Variants in OSBPL9 observed in about 807,000 individuals in gnomAD.
OSBPL9 encodes oxysterol binding protein like 9, also known as oxysterol-binding protein-related protein 9.
Under a neutral mutation model 106.6 loss-of-function variants are expected in OSBPL9, and 40 were observed. The ratio of observed to expected loss-of-function variants is 0.38; its 90% CI spans 0.29 to 0.49. OSBPL9 has a LOEUF of 0.49. Ranked by LOEUF, OSBPL9 falls within the 20% of genes least tolerant of loss-of-function variation. The pLI is 0.97. For missense variants in OSBPL9, 609 were observed against 887.2 expected (o/e 0.69, Z 3.98); for synonymous variants, 269 against 295.4 (o/e 0.91, Z 0.92).
intron 4 of OSBPL9, chr1:51,740,202 A>G (rs1333336520): frequency 1.3e-6 from 2 of 1,538,372 alleles, no homozygotes; most frequent in Non-Finnish European, 1.7e-6. Flanking sequence ...TTGAATTTTC[A>G]AAAATAATTG....
chr1:51,644,759 C>T (rs1440457612), intron 1 of OSBPL9, among the ~76,000 whole-genome samples: 5 of 152,174 alleles, frequency 3.3e-5, no homozygotes, highest in Admixed American at 3.3e-4. Context: ...CTGCTCTTCC[C>T]TCTGCCTGGG....
intron 4 of OSBPL9, among the ~76,000 whole-genome samples, chr1:51,714,663 T>G (rs1660706164): frequency 6.6e-6 from 1 of 152,210 alleles, no homozygotes; most frequent in African/African-American, 2.4e-5. Flanking sequence ...AGGTTCTCCC[T>G]TGGTGGTGGT....
intron 4 of OSBPL9, among the ~76,000 whole-genome samples, chr1:51,732,829 G>C (rs1664758657): frequency 6.6e-6 from 1 of 152,178 alleles, no homozygotes; most frequent in South Asian, 2.1e-4. Context: ...CAGCTGCCCA[G>C]CATGTCCTGG....
At chr1:51,668,996 T>C (rs1481570980) in intron 2 of OSBPL9, among the ~76,000 whole-genome samples, 1 of 152,220 alleles carries the variant, frequency 6.6e-6, no homozygotes, top group Non-Finnish European at 1.5e-5. Context: ...CTGGCATTTC[T>C]ACACTAACAA....
At chr1:51,745,392 T>C in intron 4 of OSBPL9, 144 bp from the exon 5 acceptor site, 1 of 1,215,768 alleles carries the variant, frequency 8.2e-7, no homozygotes, top group Non-Finnish European at 1.1e-6. Flanking sequence ...TAGACCTAAC[T>C]GTTAAATAGA....
At chr1:51,746,432 G>A (rs778183946) in intron 5 of OSBPL9, among the ~76,000 whole-genome samples, 6 of 152,096 alleles carry the variant, frequency 3.9e-5, no homozygotes, top group Admixed American at 1.3e-4. Context: ...AAAACTTCAA[G>A]TTTGAATTCA....
At chr1:51,548,621 C>G in the OSBPL9 span, among the ~76,000 whole-genome samples, 1 of 152,142 alleles carries the variant, frequency 6.6e-6, no homozygotes, top group Non-Finnish European at 1.5e-5. Flanking sequence ...AACTCCTGGG[C>G]TCAAGTGATC....
intron 2 of OSBPL9, among the ~76,000 whole-genome samples, chr1:51,603,518 C>T (rs1645333466): frequency 6.6e-6 from 1 of 152,180 alleles, no homozygotes; most frequent in African/African-American, 2.4e-5. Flanking sequence ...GCCTCTCTTT[C>T]CTAGAAAGTG....
At chr1:51,660,733 A>G (rs1257006010) in intron 2 of OSBPL9, among the ~76,000 whole-genome samples, 1 of 152,210 alleles carries the variant, frequency 6.6e-6, no homozygotes, top group Non-Finnish European at 1.5e-5. Flanking sequence ...TTGAACTGCA[A>G]GCCATTCTGC....
intron 1 of OSBPL9, among the ~76,000 whole-genome samples, chr1:51,624,967 C>G (rs538445384): frequency 6.6e-6 from 1 of 152,154 alleles, no homozygotes; most frequent in Non-Finnish European, 1.5e-5. Flanking sequence ...CCTTCTAATT[C>G]GAATTATAGG....
At chr1:51,643,570 G>A (rs1645944256) in intron 1 of OSBPL9, among the ~76,000 whole-genome samples, 1 of 152,144 alleles carries the variant, frequency 6.6e-6, no homozygotes, top group Non-Finnish European at 1.5e-5. Context: ...AGGTAGGCTG[G>A]AGCCAGGCCA....
intron 2 of OSBPL9, among the ~76,000 whole-genome samples, chr1:51,605,183 A>G (rs1643936622): frequency 6.6e-6 from 1 of 152,240 alleles, no homozygotes; most frequent in Non-Finnish European, 1.5e-5. Flanking sequence ...TAAAGCGTTT[A>G]CAATCTAATG....
At chr1:51,736,549 A>G (rs1182754695) in intron 4 of OSBPL9, among the ~76,000 whole-genome samples, 3 of 152,180 alleles carry the variant, frequency 2.0e-5, no homozygotes, top group South Asian at 2.1e-4. Flanking sequence ...AAAACATTTC[A>G]TAATCAAATT....
chr1:51,745,356 G>A (rs1197741745), intron 4 of OSBPL9, 180 bp from the exon 5 acceptor site: 5 of 807,160 alleles, frequency 6.2e-6, no homozygotes, highest in Non-Finnish European at 8.9e-6. Flanking sequence ...AAGTTAATGA[G>A]GAAGATTGAT....
chr1:51,532,186 A>G, the OSBPL9 span, among the ~76,000 whole-genome samples: 1 of 152,348 alleles, frequency 6.6e-6, no homozygotes, highest in Admixed American at 6.5e-5. Flanking sequence ...AGAAAAACAG[A>G]TAATTCTCTA....
chr1:51,549,875 T>C, the OSBPL9 span, among the ~76,000 whole-genome samples: 1 of 152,296 alleles, frequency 6.6e-6, no homozygotes, highest in East Asian at 1.9e-4. Flanking sequence ...GCATTTTTTT[T>C]CCATGTGGAA....
chr1:51,756,676 T>C (rs964603785), intron 9 of OSBPL9: 7 of 242,778 alleles, frequency 2.9e-5, no homozygotes, highest in African/African-American at 1.6e-4. Flanking sequence ...TCTTGTCTAA[T>C]TTCTATTTTT....
the OSBPL9 span, among the ~76,000 whole-genome samples, chr1:51,532,850 T>C: frequency 6.6e-6 from 1 of 152,078 alleles, no homozygotes; most frequent in African/African-American, 2.4e-5. Context: ...ATCACTGGAT[T>C]ATAAGGCCCA....
In OSBPL9 at chr1:51,596,067, G is replaced by C. The variant is rs150282253; in HGVS notation, c.-422-2057G>C. Among the ~76,000 whole-genome samples the C allele has an allele frequency of 5.2e-3, 794 of 151,760 alleles. 3 individuals are homozygous for C. Among genetic ancestry groups the C allele is most frequent in the African/African-American group, 0.018 (762 of 41,324 alleles). ...AGGCCAGGAGTTTGAGATCAGCCTG[G>C]CCAACATGGTGAAACCCCATCTCTA... is the stretch of plus-strand genomic sequence containing the variant. On this transcript the variant is annotated intron_variant, in intron 1 of 25. Transcript: ENST00000371714.
Sources: gnomAD v4.1 joint callset for allele counts (sites outside exome capture counted in the v4.1 genomes callset) on GRCh38, gnomAD v4.1.1 for gene constraint, MANE v1.5 for transcripts, NCBI Gene and HGNC (gene_info 2026-07-23, HGNC 2026-07-21) for gene names.